MIER1: variants seen among roughly 807,000 people sequenced by gnomAD.
MIER1 encodes mesoderm induction early response protein 1.
In MIER1, 40 loss-of-function variants were observed where a neutral mutation model predicts 75.7. That is an observed-to-expected ratio of 0.53 (90% CI 0.41 to 0.69). The LOEUF (loss-of-function observed/expected upper bound fraction) is 0.69. Ranked by LOEUF, MIER1 falls within the 30% of genes least tolerant of loss-of-function variation. The pLI is 0.00. For missense variants in MIER1, 574 were observed against 680.2 expected (o/e 0.84, Z 1.74); for synonymous variants, 213 against 223.4 (o/e 0.95, Z 0.42).
At chr1:66,934,887 A>G (rs1191453468) in intron 2 of MIER1, among the ~76,000 whole-genome samples, 2 of 152,258 alleles carry the variant, frequency 1.3e-5, no homozygotes, top group Non-Finnish European at 2.9e-5. Flanking sequence ...CTTTCACCCT[A>G]AAGTAGGACC....
chr1:66,929,658 GTGTTGC>G (rs1337399280), intron 2 of MIER1, among the ~76,000 whole-genome samples: 1 of 152,190 alleles, frequency 6.6e-6, no homozygotes, highest in Non-Finnish European at 1.5e-5. Context: ...GTACATAACT[GTGTTGC>G]TACCGGCATG....
chr1:66,966,422 A>G (rs555367467), intron 8 of MIER1, among the ~76,000 whole-genome samples: 1 of 152,180 alleles, frequency 6.6e-6, no homozygotes, highest in African/African-American at 2.4e-5. Context: ...CATTTTCTTA[A>G]TCCAGTCTAT....
intron 4 of MIER1, among the ~76,000 whole-genome samples, chr1:66,953,665 A>T (rs1213267404): frequency 1.3e-5 from 2 of 150,050 alleles, no homozygotes; most frequent in African/African-American, 4.9e-5. Flanking sequence ...GTGCAGTGAC[A>T]CAATCTCAGC....
intron 2 of MIER1, among the ~76,000 whole-genome samples, chr1:66,936,110 T>G (rs1430537050): frequency 6.6e-6 from 1 of 152,204 alleles, no homozygotes; most frequent in Non-Finnish European, 1.5e-5. Flanking sequence ...AGGTTATGAG[T>G]ACATGTTAAA....
At chr1:66,963,972 A>G (rs548360664) in intron 8 of MIER1, among the ~76,000 whole-genome samples, 1 of 152,070 alleles carries the variant, frequency 6.6e-6, no homozygotes, top group African/African-American at 2.4e-5. Flanking sequence ...TGGGAAAACA[A>G]CTTTTGTATA....
intron 4 of MIER1, among the ~76,000 whole-genome samples, chr1:66,954,122 T>A (rs1295452659): frequency 6.6e-6 from 1 of 152,212 alleles, no homozygotes; most frequent in Non-Finnish European, 1.5e-5. Flanking sequence ...TTTTTTCTTT[T>A]CCACAACCAC....
rs1667035908 is a variant in MIER1, at chr1:66,988,307, AC to A, written c.*3408del. 6.6e-6 allele frequency: 1 copy of A among 152,358 alleles called. No individual in the cohort carries two copies. The highest frequency in any genetic ancestry group is 1.5e-5 in the Non-Finnish European group (1 of 68,026). The allele number at this position is 152,358 out of a possible 1,614,324, so 9.4% of individuals were successfully genotyped here. A position where few individuals can be genotyped will look rare whatever the true frequency, so the allele number is the denominator to read the frequency against. ...TGTATCACATAATTCTACTGATACA[AC>A]TTTTTACCGTAAAAATTAACTCTCT... On this transcript the variant is annotated 3_prime_UTR_variant, in exon 14 of 14. Transcript: ENST00000401041.
intron 11 of MIER1, 107 bp downstream of exon 11, chr1:66,973,098 AAT>A: frequency 1.6e-6 from 1 of 611,522 alleles, no homozygotes. Context: ...TTTCATAATT[AAT>A]ATGACAATAT....
At chr1:66,964,090 A>G (rs12069845) in intron 8 of MIER1, among the ~76,000 whole-genome samples, 10,128 of 140,702 alleles carry the variant, frequency 0.072, 1,105 homozygotes, top group African/African-American at 0.25. Context: ...TTTTTTTTTG[A>G]GACAGAGTCT....
At chr1:66,976,278 A>C (rs574370975) in intron 11 of MIER1, among the ~76,000 whole-genome samples, 16 of 152,254 alleles carry the variant, frequency 1.1e-4, no homozygotes, top group Non-Finnish European at 2.4e-4. Context: ...CTGGGATTAC[A>C]GGCGTGAGCC....
At chr1:66,941,264 A>G (rs1318629585) in intron 3 of MIER1, among the ~76,000 whole-genome samples, 1 of 152,184 alleles carries the variant, frequency 6.6e-6, no homozygotes, top group African/African-American at 2.4e-5. Context: ...TCTTTTTAAT[A>G]TGCTTGAGAG....
At chr1:66,945,663 A>C (rs1657450229) in intron 3 of MIER1, among the ~76,000 whole-genome samples, 1 of 152,140 alleles carries the variant, frequency 6.6e-6, no homozygotes, top group Admixed American at 6.5e-5. Flanking sequence ...GGAGTTCAAG[A>C]CCAGCCAGGG....
intron 4 of MIER1, chr1:66,946,503 C>T: frequency 7.9e-7 from 1 of 1,262,008 alleles, no homozygotes; most frequent in Non-Finnish European, 1.0e-6. Flanking sequence ...ACAGAATTCA[C>T]ATAGTTACTT....
At position 66,981,927 on chromosome 1, in the gene MIER1, C is replaced by T. The variant is rs764559690; in HGVS notation, c.1369+9C>T. 6.2e-7 allele frequency: 1 copy of T among 1,612,506 alleles called. No individual in the cohort carries two copies. Among genetic ancestry groups the T allele is most frequent in the Non-Finnish European group, 8.5e-7 (1 of 1,179,054 alleles). On this transcript the variant is annotated intron_variant, in intron 13 of 13. Coordinates refer to ENST00000401041, the MANE Select transcript of MIER1 (RefSeq NM_001077700.3). ...CACTGCTAATCAAAATGGTAAGCAA[C>T]CAGAGAAACATTTCTCTTTCTTCAT...
chr1:66,941,527 A>G (rs1016605593), intron 3 of MIER1, among the ~76,000 whole-genome samples: 1 of 152,284 alleles, frequency 6.6e-6, no homozygotes, highest in South Asian at 2.1e-4. Context: ...GGAGATTTAG[A>G]TATTTCTGAT....
chr1:66,955,966 A>G (rs1334635435), intron 4 of MIER1, among the ~76,000 whole-genome samples: 1 of 152,208 alleles, frequency 6.6e-6, no homozygotes, highest in East Asian at 1.9e-4. Flanking sequence ...AAATAAAGGT[A>G]GCAAGCACTC....
chr1:66,956,539 T>C (rs1660166693), intron 4 of MIER1, among the ~76,000 whole-genome samples: 1 of 152,232 alleles, frequency 6.6e-6, no homozygotes, highest in African/African-American at 2.4e-5. Flanking sequence ...CTGTACCAGA[T>C]TCTTGGTACA....
chr1:66,933,865 C>G (rs1654036640), intron 2 of MIER1, among the ~76,000 whole-genome samples: 1 of 152,102 alleles, frequency 6.6e-6, no homozygotes, highest in Non-Finnish European at 1.5e-5. Flanking sequence ...TGAGACTAAC[C>G]AGTTTTCTAA....
rs1283688187 is a variant in MIER1, at chr1:66,988,395, C to G, written c.*3495C>G. The G allele has an allele frequency of 6.6e-6, 1 of 152,066 alleles. No individual in the cohort carries two copies. The highest frequency in any genetic ancestry group is 1.5e-5 in the Non-Finnish European group (1 of 67,800). 9.4% of individuals were successfully genotyped at this position (152,066 alleles called of 1,614,324 possible). A position where few individuals can be genotyped will look rare whatever the true frequency, so the allele number is the denominator to read the frequency against. ...AGGGTTTTCCACACATCCATCCACC[C>G]ACTTACAGACTGATTTCATGTATCT... On this transcript the variant is annotated 3_prime_UTR_variant, in exon 14 of 14. Coordinates refer to ENST00000401041, the MANE Select transcript of MIER1 (RefSeq NM_001077700.3).
Sources: gnomAD v4.1 joint callset for allele counts (sites outside exome capture counted in the v4.1 genomes callset) on GRCh38, gnomAD v4.1.1 for gene constraint, MANE v1.5 for transcripts, NCBI Gene and HGNC (gene_info 2026-07-23, HGNC 2026-07-21) for gene names.